Variants in HS3ST3A1 observed in about 807,000 individuals in gnomAD.
HS3ST3A1 encodes the protein heparan sulfate-glucosamine 3-sulfotransferase 3A1.
HS3ST3A1 carries 19 observed loss-of-function variants against 25.7 expected under a neutral mutation model. The ratio of observed to expected loss-of-function variants is 0.74; its 90% CI spans 0.52 to 1.08. The LOEUF is 1.08. Among genes scored for constraint, HS3ST3A1 ranks in the 50% least tolerant of loss-of-function variants. The pLI is 0.00. For missense variants in HS3ST3A1, 459 were observed against 594.3 expected (o/e 0.77, Z 2.37); for synonymous variants, 226 against 278.6 (o/e 0.81, Z 1.88).
At chr17:13,518,749 T>C (rs906628525) in intron 1 of HS3ST3A1, among the ~76,000 whole-genome samples, 25 of 152,324 alleles carry the variant, frequency 1.6e-4, no homozygotes, top group African/African-American at 5.3e-4. Flanking sequence ...GTACTTCAGT[T>C]ATCCCAGGAA....
intron 1 of HS3ST3A1, among the ~76,000 whole-genome samples, chr17:13,594,893 T>C (rs1908533529): frequency 6.6e-6 from 1 of 152,058 alleles, no homozygotes; most frequent in African/African-American, 2.4e-5. Flanking sequence ...ATATGCTCTA[T>C]CATGATGAGG....
chr17:13,598,130 TG>T (rs112660072), intron 1 of HS3ST3A1, among the ~76,000 whole-genome samples: 19,613 of 152,206 alleles, frequency 0.13, 2,645 homozygotes, highest in African/African-American at 0.34. Context: ...TGGTCATAAG[TG>T]TGTGGTACAA....
At chr17:13,550,084 T>A (rs1199693920) in intron 1 of HS3ST3A1, among the ~76,000 whole-genome samples, 1 of 152,230 alleles carries the variant, frequency 6.6e-6, no homozygotes, top group Non-Finnish European at 1.5e-5. Context: ...ATTTGCTAAA[T>A]GTTGTATATG....
chr17:13,595,846 GGTTGTTGTTGTT>G (rs66635656), intron 1 of HS3ST3A1, among the ~76,000 whole-genome samples: 3 of 18,758 alleles, frequency 1.6e-4, no homozygotes, highest in Admixed American at 5.7e-4. Flanking sequence ...AGGCCTTTTT[GGTTGTTGTTGTT>G]GTTGTTGTTG....
At chr17:13,578,136 T>C (rs8082581) in intron 1 of HS3ST3A1, among the ~76,000 whole-genome samples, 33,172 of 152,002 alleles carry the variant, frequency 0.22, 3,822 homozygotes, top group South Asian at 0.34. Flanking sequence ...TTAGTCATAG[T>C]GAAATATTGG....
chr17:13,573,582 C>T (rs1038487598), intron 1 of HS3ST3A1, among the ~76,000 whole-genome samples: 1 of 152,182 alleles, frequency 6.6e-6, no homozygotes, highest in Non-Finnish European at 1.5e-5. Context: ...AGGTCTTCAT[C>T]GCCACCAGCC....
At chr17:13,573,060 G>A (rs571896519) in intron 1 of HS3ST3A1, among the ~76,000 whole-genome samples, 1 of 152,222 alleles carries the variant, frequency 6.6e-6, no homozygotes, top group African/African-American at 2.4e-5. Flanking sequence ...GGATTTCATT[G>A]AACACCATGA....
At chr17:13,539,344 A>C (rs1489353691) in intron 1 of HS3ST3A1, among the ~76,000 whole-genome samples, 1 of 152,206 alleles carries the variant, frequency 6.6e-6, no homozygotes, top group Admixed American at 6.5e-5. Flanking sequence ...TGGAATGCAC[A>C]AATATGGGTG....
At chr17:13,536,230 A>C (rs1205386662) in intron 1 of HS3ST3A1, among the ~76,000 whole-genome samples, 1 of 152,204 alleles carries the variant, frequency 6.6e-6, no homozygotes, top group Non-Finnish European at 1.5e-5. Context: ...TAAACCTGAC[A>C]ACTTTGCCTG....
intron 1 of HS3ST3A1, among the ~76,000 whole-genome samples, chr17:13,530,380 T>C (rs905229567): frequency 7.9e-5 from 12 of 152,010 alleles, no homozygotes; most frequent in African/African-American, 2.9e-4. Context: ...TCATCTCTAA[T>C]CCTGACAAAC....
At chr17:13,561,649 C>T (rs1907554456) in intron 1 of HS3ST3A1, among the ~76,000 whole-genome samples, 1 of 152,120 alleles carries the variant, frequency 6.6e-6, no homozygotes, top group Non-Finnish European at 1.5e-5. Context: ...ACCTTGGCCT[C>T]CCAAAGTGCT....
chr17:13,587,090 G>A (rs950540162), intron 1 of HS3ST3A1, among the ~76,000 whole-genome samples: 1 of 151,582 alleles, frequency 6.6e-6, no homozygotes, highest in Non-Finnish European at 1.5e-5. Flanking sequence ...TTACATATAA[G>A]GTTCTCATTA....
chr17:13,599,329 T>C lies in HS3ST3A1; in HGVS notation c.599+1202A>G, dbSNP rs76732379. ...GCCAAATCTTTTCTCTCTGAGTGGA[T>C]TGACTGTAAATTCGGCTCCTGAAAT... On this transcript the variant is annotated intron_variant, in intron 1 of 1. Coordinates refer to ENST00000284110, the MANE Select transcript of HS3ST3A1 (RefSeq NM_006042.3). Among the ~76,000 whole-genome samples the C allele has an allele frequency of 0.012, 1,881 of 152,306 alleles. 76 individuals are homozygous for C. The East Asian group carries it at 0.13, about 10-fold the overall frequency.
At chr17:13,496,855 A>C in intron 1 of HS3ST3A1, 37 bp from the exon 2 acceptor site, 2 of 1,593,738 alleles carry the variant, frequency 1.3e-6, no homozygotes, top group Non-Finnish European at 8.6e-7. Flanking sequence ...AGATGTGCAG[A>C]GAGAGCTCAG....
chr17:13,508,659 AG>A (rs1905764813), intron 1 of HS3ST3A1, among the ~76,000 whole-genome samples: 1 of 152,242 alleles, frequency 6.6e-6, no homozygotes, highest in Non-Finnish European at 1.5e-5. Flanking sequence ...CTAACACGGT[AG>A]GCATTGTCCC....
At chr17:13,514,619 C>T (rs1905992319) in intron 1 of HS3ST3A1, among the ~76,000 whole-genome samples, 2 of 152,156 alleles carry the variant, frequency 1.3e-5, no homozygotes, top group Non-Finnish European at 2.9e-5. Context: ...TGTGATGGCC[C>T]ATGCCTGTAA....
chr17:13,579,459 A>AG (rs1300293357), intron 1 of HS3ST3A1, among the ~76,000 whole-genome samples: 4 of 151,936 alleles, frequency 2.6e-5, no homozygotes, highest in Non-Finnish European at 5.9e-5. Context: ...CCAGCACTAT[A>AG]GGAGGCCGAG....
chr17:13,581,699 C>T (rs1175074167), intron 1 of HS3ST3A1, among the ~76,000 whole-genome samples: 4 of 152,054 alleles, frequency 2.6e-5, no homozygotes, highest in Admixed American at 2.6e-4. Context: ...GTTTTGAGAA[C>T]TTATCTTAAA....
intron 1 of HS3ST3A1, among the ~76,000 whole-genome samples, chr17:13,566,024 T>C (rs1394304957): frequency 6.6e-6 from 1 of 152,240 alleles, no homozygotes; most frequent in East Asian, 1.9e-4. Context: ...TTATCATTTA[T>C]CTTTTAGTTA....
Sources: allele counts gnomAD v4.1 joint callset (sites outside exome capture counted in the v4.1 genomes callset), GRCh38; gene constraint gnomAD v4.1.1; transcripts MANE v1.5; gene names NCBI Gene and HGNC (gene_info 2026-07-23, HGNC 2026-07-21).